HSF2BP: variants seen among roughly 807,000 people sequenced by gnomAD.
HSF2BP encodes heat shock transcription factor 2 binding protein, also known as heat shock factor 2-binding protein.
Under a neutral mutation model 35.0 loss-of-function variants are expected in HSF2BP, and 35 were observed. The observed-to-expected ratio is 1.00, with a 90% CI of 0.76 to 1.32. The LOEUF (loss-of-function observed/expected upper bound fraction) is 1.32, where lower values mean the gene tolerates loss of function less well. HSF2BP is among the 40% of genes most tolerant of loss of function. The pLI, the probability that HSF2BP is intolerant of heterozygous loss-of-function variation, is 0.00. For missense variants in HSF2BP, 326 were observed against 321.7 expected, an observed-to-expected ratio of 1.01 and a Z score of -0.10; for synonymous variants, 114 against 117.4, an observed-to-expected ratio of 0.97 and a Z score of 0.18.
intron 8 of HSF2BP, among the ~76,000 whole-genome samples, chr21:43,578,170 C>T (rs1172704368): frequency 6.6e-6 from 1 of 152,140 alleles, no homozygotes; most frequent in African/African-American, 2.4e-5. Context: ...CACCTTATGC[C>T]TTGAGCCCTA....
intron 4 of HSF2BP, among the ~76,000 whole-genome samples, chr21:43,634,946 T>C (rs1407523212): frequency 2.6e-5 from 4 of 152,166 alleles, no homozygotes; most frequent in African/African-American, 7.2e-5. Context: ...AGTCAGGATA[T>C]GGTGGTTCTT....
chr21:43,655,506 A>G (rs1048554225), intron 3 of HSF2BP, among the ~76,000 whole-genome samples: 2 of 152,238 alleles, frequency 1.3e-5, no homozygotes, highest in African/African-American at 4.8e-5. Context: ...GGGGCAGTCC[A>G]GCAAGAGCTA....
At chr21:43,590,551 T>C (rs2081913052) in intron 8 of HSF2BP, among the ~76,000 whole-genome samples, 1 of 152,214 alleles carries the variant, frequency 6.6e-6, no homozygotes, top group Admixed American at 6.5e-5. Context: ...GCTTTATGTA[T>C]AGTAGTCAAA....
chr21:43,589,573 C>T (rs553046607), intron 8 of HSF2BP, among the ~76,000 whole-genome samples: 11 of 152,158 alleles, frequency 7.2e-5, no homozygotes, highest in African/African-American at 2.7e-4. Flanking sequence ...TGAAAGAGAA[C>T]AAAGTTGGAC....
At chr21:43,656,833 C>T (rs1266896688) in intron 2 of HSF2BP, 96 bp from the exon 3 acceptor site, 23 of 984,640 alleles carry the variant, frequency 2.3e-5, no homozygotes, top group Non-Finnish European at 3.4e-5. Flanking sequence ...CTCTTATGTG[C>T]ATCGTTGTTT....
intron 6 of HSF2BP, among the ~76,000 whole-genome samples, chr21:43,619,109 A>C (rs1232340836): frequency 2.0e-5 from 3 of 152,166 alleles, no homozygotes; most frequent in African/African-American, 7.2e-5. Context: ...CGCCACACCC[A>C]GCTAATTTCA....
chr21:43,639,577 G>T (rs2082608945), intron 4 of HSF2BP, among the ~76,000 whole-genome samples: 1 of 152,186 alleles, frequency 6.6e-6, no homozygotes, highest in African/African-American at 2.4e-5. Context: ...TTAGGGAAAT[G>T]CAAATTAAAA....
At chr21:43,643,815 G>A (rs1221518428) in intron 4 of HSF2BP, among the ~76,000 whole-genome samples, 2 of 151,926 alleles carry the variant, frequency 1.3e-5, no homozygotes, top group South Asian at 2.1e-4. Context: ...AAACTTAGCC[G>A]GCCGTGGTGG....
chr21:43,624,916 G>A (rs552280777), intron 6 of HSF2BP, among the ~76,000 whole-genome samples: 2 of 152,126 alleles, frequency 1.3e-5, no homozygotes, highest in African/African-American at 4.8e-5. Flanking sequence ...ATTTACTACG[G>A]TTCAGTAGAA....
Position 43,630,362 on chromosome 21 carries a change from A to T in HSF2BP, c.534T>A (p.Asp178Glu), listed in dbSNP as rs2082439740. 1.2e-6 allele frequency: 2 copies of T among 1,613,178 alleles called. No homozygotes were observed. The highest frequency in any genetic ancestry group is 1.7e-5 in the Admixed American group (1 of 59,824). The change falls in exon 6 of 9, where the codon GAT becomes GAA. Residue 178 changes from aspartate to glutamate, a missense_variant. By Grantham distance (45) the Asp-to-Glu change is conservative. Coordinates refer to ENST00000291560, the MANE Select transcript of HSF2BP (RefSeq NM_007031.2). ...CCAGAGCGAAAACAAACTGACTTTC[A>T]TCCGAATCCAGCTCCTGGACATCAC... ...LDGDVQELDS[D>E]ESQFVFALAG...
At chr21:43,637,813 A>C (rs2082584818) in intron 4 of HSF2BP, among the ~76,000 whole-genome samples, 1 of 151,520 alleles carries the variant, frequency 6.6e-6, no homozygotes. Context: ...TCTGGAAAAA[A>C]AAAAAAGAAA....
the HSF2BP span, among the ~76,000 whole-genome samples, chr21:43,495,623 A>G: frequency 2.5e-5 from 3 of 118,774 alleles, no homozygotes; most frequent in East Asian, 6.5e-4. Context: ...CAAGTTTCCA[A>G]CTGAACTAGG....
chr21:43,573,087 G>A lies in HSF2BP; in HGVS notation c.796+19138C>T, dbSNP rs535166262. On this transcript the variant is annotated intron_variant, in intron 8 of 8. Coordinates refer to ENST00000291560, the MANE Select transcript of HSF2BP (RefSeq NM_007031.2). Reference sequence around the variant, plus strand: ...CCCATGAGTGAGTGAATGAAAGAACGTGTGTGTCCCCAGCTGTCCGCTGCC... The same window carrying A: ...CCCATGAGTGAGTGAATGAAAGAACATGTGTGTCCCCAGCTGTCCGCTGCC... 7.9e-5 allele frequency among the ~76,000 whole-genome samples: 12 copies of A among 152,318 alleles called. No individual in the cohort carries two copies. In the East Asian group the frequency reaches 2.1e-3, roughly 27 times the overall value.
chr21:43,629,857 A>G (rs964397453), intron 6 of HSF2BP, among the ~76,000 whole-genome samples: 3 of 152,234 alleles, frequency 2.0e-5, no homozygotes, highest in African/African-American at 7.2e-5. Flanking sequence ...GGCTGACTCC[A>G]ATTTTGAAAG....
rs757051161 is a variant in HSF2BP, at chr21:43,630,378, T to C, written c.518A>G (p.Gln173Arg). Residue 173 changes from glutamine (Q) to arginine (R), a missense_variant, in exon 6 of 9, where the codon CAG (glutamine) becomes CGG (arginine). Coordinates refer to ENST00000291560, the MANE Select transcript of HSF2BP (RefSeq NM_007031.2). ...CTGACTTTCATCCGAATCCAGCTCC[T>C]GGACATCACCGTCTAACGACTTCAC... ...SFVKSLDGDV[Q>R]ELDSDESQFV... The C allele has an allele frequency of 1.1e-5, 18 of 1,613,488 alleles. No homozygotes were observed. In the Admixed American group the frequency reaches 1.8e-4, roughly 16 times the overall value.
chr21:43,632,656 C>A (rs1025176097), intron 5 of HSF2BP, among the ~76,000 whole-genome samples: 1 of 152,172 alleles, frequency 6.6e-6, no homozygotes, highest in Admixed American at 6.5e-5. Flanking sequence ...CCCAACCACT[C>A]CTCTTCCTCC....
intron 8 of HSF2BP, among the ~76,000 whole-genome samples, chr21:43,583,693 G>T (rs1253474251): frequency 5.8e-5 from 8 of 137,158 alleles, no homozygotes; most frequent in African/African-American, 2.2e-4. Flanking sequence ...AGAGATGAAG[G>T]GCCTGCTGAG....
At chr21:43,631,907 A>C (rs1568927775) in intron 5 of HSF2BP, among the ~76,000 whole-genome samples, 1 of 148,078 alleles carries the variant, frequency 6.8e-6, no homozygotes. Context: ...GCTCCCACAC[A>C]CCCACACGCT....
In HSF2BP at chr21:43,592,291, A is replaced by G. The variant is rs1331119353; in HGVS notation, c.730T>C (p.Leu244=). The stretch of plus-strand genomic sequence containing the variant: ...TCGCTGATGTATTTCAAGCCTTTCA[A>G]ATTGATGCTTACATTGTATAGGGAC... The part of the protein sequence containing the change: ...LMSLYNVSIN[L]KGLKYISESP... The change falls in exon 8 of 9, where the codon TTG becomes CTG. Residue 244 remains leucine (L), a synonymous_variant. Transcript: ENST00000291560. 6.2e-7 allele frequency: 1 copy of G among 1,613,752 alleles called. No individual in the cohort carries two copies. Among genetic ancestry groups the G allele is most frequent in the African/African-American group, 1.3e-5 (1 of 74,900 alleles).
Sources: gnomAD v4.1 joint callset for allele counts (sites outside exome capture counted in the v4.1 genomes callset) on GRCh38, gnomAD v4.1.1 for gene constraint, MANE v1.5 for transcripts, NCBI Gene and HGNC (gene_info 2026-07-23, HGNC 2026-07-21) for gene names.